The following KIFAP3 variants were observed in gnomAD, a reference collection of about 807,000 sequenced individuals.
KIFAP3 encodes the protein kinesin-associated protein 3.
In KIFAP3, 68 loss-of-function variants were observed where a neutral mutation model predicts 106.5. The ratio of observed to expected loss-of-function variants is 0.64; its 90% CI spans 0.53 to 0.78. KIFAP3 has a LOEUF of 0.78. Ranked by LOEUF, KIFAP3 falls within the 30% of genes least tolerant of loss-of-function variation. The pLI is 0.00. For synonymous variants in KIFAP3, 320 were observed against 311.5 expected, an observed-to-expected ratio of 1.03 and a Z score of -0.29; for missense variants, 780 against 941.8, an observed-to-expected ratio of 0.83 and a Z score of 2.25.
chr1:170,028,053 A>G (rs961928696), intron 8 of KIFAP3, among the ~76,000 whole-genome samples: 1 of 152,150 alleles, frequency 6.6e-6, no homozygotes, highest in Non-Finnish European at 1.5e-5. Flanking sequence ...AAACCCAGTG[A>G]AAATATTTCA....
At chr1:169,984,717 A>G (rs368473865) in intron 11 of KIFAP3, 27 bp from the exon 12 acceptor site, 1 of 1,296,656 alleles carries the variant, frequency 7.7e-7, no homozygotes, top group African/African-American at 1.5e-5. Context: ...GGCACATTTT[A>G]CTCAAGAAAC....
At chr1:170,079,802 A>G (rs1451803333) in intron 1 of KIFAP3, among the ~76,000 whole-genome samples, 1 of 152,012 alleles carries the variant, frequency 6.6e-6, no homozygotes, top group Non-Finnish European at 1.5e-5. Context: ...TTTCTATTAA[A>G]AGAATGTCAA....
chr1:170,000,972 A>C (rs1667636123), intron 10 of KIFAP3, among the ~76,000 whole-genome samples: 1 of 150,176 alleles, frequency 6.7e-6, no homozygotes, highest in Non-Finnish European at 1.5e-5. Flanking sequence ...AGTATGAGAA[A>C]CTAACATTGC....
chr1:169,984,569 C>A lies in KIFAP3; in HGVS notation c.1393+13G>T. Reference sequence around the variant, plus strand: ...ATATGCTAAAAAAGTTACCTACACTCAAAGGCACTGACCTTCACAGATAAG... The same window carrying A: ...ATATGCTAAAAAAGTTACCTACACTAAAAGGCACTGACCTTCACAGATAAG... On this transcript the variant is annotated intron_variant, in intron 12 of 19. Coordinates refer to ENST00000361580, the MANE Select transcript of KIFAP3 (RefSeq NM_014970.4). 7.0e-7 allele frequency: 1 copy of A among 1,435,050 alleles called. No individual in the cohort carries two copies. The highest frequency in any genetic ancestry group is 1.2e-5 in the South Asian group (1 of 83,078). 88.9% of individuals were successfully genotyped at this position (1,435,050 alleles called of 1,614,324 possible).
chr1:170,016,463 T>C lies in KIFAP3; in HGVS notation c.1182A>G (p.Leu394=), dbSNP rs998785734. The C allele has an allele frequency of 4.4e-6, 7 of 1,598,362 alleles. No individual in the cohort carries two copies. In the African/African-American group the frequency reaches 5.4e-5, roughly 12 times the overall value. ...GTCATTAATTTCTAAAAAGCATACC[T>C]AGGAGTGCAGTGAGCTTGGGAAGCA... ...VGLLPKLTAL[L]GNDNYKQIAM... is the part of the protein sequence containing the mutation. Residue 394 remains leucine, a splice_region_variant and synonymous_variant, in exon 10 of 20, where the codon CTA becomes CTG. Coordinates refer to ENST00000361580, the MANE Select transcript of KIFAP3 (RefSeq NM_014970.4).
chr1:170,031,599 G>A (rs778090314), intron 8 of KIFAP3, among the ~76,000 whole-genome samples: 2 of 151,644 alleles, frequency 1.3e-5, no homozygotes, highest in Non-Finnish European at 3.0e-5. Flanking sequence ...TAGGGCTGAA[G>A]AGACAAAGAT....
chr1:170,061,280 A>G (rs1671137877), intron 1 of KIFAP3, among the ~76,000 whole-genome samples: 1 of 152,068 alleles, frequency 6.6e-6, no homozygotes, highest in Admixed American at 6.6e-5. Flanking sequence ...AAGGGCTAAT[A>G]TCCAGAATCT....
At chr1:170,071,374 G>T (rs969242292) in intron 1 of KIFAP3, among the ~76,000 whole-genome samples, 5 of 152,130 alleles carry the variant, frequency 3.3e-5, no homozygotes, top group Non-Finnish European at 5.9e-5. Context: ...ACAAAATGTG[G>T]TATATCCATA....
intron 3 of KIFAP3, chr1:170,041,567 G>A (rs373369101): frequency 5.9e-5 from 43 of 734,728 alleles, no homozygotes; most frequent in East Asian, 5.2e-4. Context: ...CCTGTGGCTC[G>A]GTGACCTCTT....
upstream of KIFAP3, among the ~76,000 whole-genome samples, chr1:170,077,337 A>G (rs1196101705): frequency 6.6e-6 from 1 of 152,226 alleles, no homozygotes; most frequent in African/African-American, 2.4e-5. Context: ...TTCCAAAATC[A>G]TTGGAGAAGT....
chr1:170,041,588 A>G, intron 3 of KIFAP3: 1 of 984,744 alleles, frequency 1.0e-6, no homozygotes, highest in South Asian at 1.5e-5. Context: ...AGCATTTCAG[A>G]GGCCCGGAGA....
At chr1:170,080,746 C>T (rs1672006752) in intron 1 of KIFAP3, among the ~76,000 whole-genome samples, 2 of 152,040 alleles carry the variant, frequency 1.3e-5, no homozygotes, top group Admixed American at 1.3e-4. Flanking sequence ...GTATTGTAAT[C>T]AGAAACCCAA....
intron 3 of KIFAP3, among the ~76,000 whole-genome samples, chr1:170,042,563 C>A (rs2102072707): frequency 6.6e-6 from 1 of 152,258 alleles, no homozygotes; most frequent in South Asian, 2.1e-4. Flanking sequence ...CCTTTCTTTC[C>A]AGAAATAATC....
At chr1:169,963,727 C>T (rs1665460302) in intron 17 of KIFAP3, among the ~76,000 whole-genome samples, 1 of 152,106 alleles carries the variant, frequency 6.6e-6, no homozygotes, top group East Asian at 1.9e-4. Context: ...CTCCTGACCT[C>T]AGGTAATCTG....
At chr1:170,048,040 A>G (rs1302461608) in intron 2 of KIFAP3, among the ~76,000 whole-genome samples, 1 of 152,220 alleles carries the variant, frequency 6.6e-6, no homozygotes, top group African/African-American at 2.4e-5. Context: ...TTAGAAGGGC[A>G]GGAGTGGGGA....
rs1467413295 is a variant in KIFAP3 at position 169,984,631 on chromosome 1, G to A, written c.1344C>T (p.Phe448=). Reference sequence around the variant, plus strand: ...TTTTGTTAGCAGCAAGATTAATGCAGAAAGAAATGAGTTCCAAGTCAATTC... The same window carrying A: ...TTTTGTTAGCAGCAAGATTAATGCAAAAAGAAATGAGTTCCAAGTCAATTC... ...DERIDLELIS[F]CINLAANKRN... Residue 448 remains phenylalanine (F), a synonymous_variant, in exon 12 of 20, where the codon TTC becomes TTT. Coordinates refer to ENST00000361580, the MANE Select transcript of KIFAP3 (RefSeq NM_014970.4). The A allele has an allele frequency of 1.9e-6, 3 of 1,608,716 alleles. No individual in the cohort carries two copies. The highest frequency in any genetic ancestry group is 1.3e-5 in the African/African-American group (1 of 74,864).
chr1:170,078,705 A>G (rs901188974), upstream of KIFAP3, among the ~76,000 whole-genome samples: 2 of 152,212 alleles, frequency 1.3e-5, no homozygotes, highest in African/African-American at 4.8e-5. Context: ...AGACACAAAT[A>G]GCTTCACTTA....
chr1:170,046,917 T>TCAATACTA (rs1471010676), intron 2 of KIFAP3, 51 bp from the exon 3 acceptor site: 1 of 1,063,038 alleles, frequency 9.4e-7, no homozygotes, highest in African/African-American at 1.6e-5. Context: ...AGTAATAACT[T>TCAATACTA]CAATACTACT....
At chr1:169,953,296 G>C (rs1275889400) in intron 19 of KIFAP3, among the ~76,000 whole-genome samples, 1 of 152,020 alleles carries the variant, frequency 6.6e-6, no homozygotes, top group African/African-American at 2.4e-5. Context: ...GCCATCTAGG[G>C]AGGAAAAGTC....
Sources: gnomAD v4.1 joint callset for allele counts (sites outside exome capture counted in the v4.1 genomes callset) on GRCh38, gnomAD v4.1.1 for gene constraint, MANE v1.5 for transcripts, NCBI Gene and HGNC (gene_info 2026-07-23, HGNC 2026-07-21) for gene names.